The following ADAMTS17 variants were observed in gnomAD, a reference collection of about 807,000 sequenced individuals.
ADAMTS17 encodes A disintegrin and metalloproteinase with thrombospondin motifs 17.
ADAMTS17 carries 113 observed loss-of-function variants against 141.5 expected under a neutral mutation model. The ratio of observed to expected loss-of-function variants is 0.80; its 90% CI spans 0.69 to 0.93. The LOEUF (loss-of-function observed/expected upper bound fraction) is 0.93, where lower values mean the gene tolerates loss of function less well. ADAMTS17 is among the 40% of genes least tolerant of loss of function. The pLI is 0.00. For synonymous variants in ADAMTS17, 768 were observed against 630.6 expected (o/e 1.22, Z -3.27); for missense variants, 1,659 against 1,517.9 (o/e 1.09, Z -1.54).
chr15:100,058,814 G>A lies in ADAMTS17; in HGVS notation c.2138-4760C>T, dbSNP rs183419214. The stretch of plus-strand genomic sequence containing the variant: ...CAGGAAGAGGGCTACTGGAGGCCAC[G>A]GAGGAGTCACTGGGTATGGTCAAGG... On this transcript the variant is annotated intron_variant, in intron 15 of 21. Coordinates refer to ENST00000268070, the MANE Select transcript of ADAMTS17 (RefSeq NM_139057.4). 2.9e-3 allele frequency among the ~76,000 whole-genome samples: 437 copies of A among 152,328 alleles called. 3 individuals carry two copies. Among genetic ancestry groups the A allele is most frequent in the African/African-American group, 6.9e-3 (287 of 41,568 alleles).
intron 18 of ADAMTS17, among the ~76,000 whole-genome samples, chr15:100,017,355 G>C (rs2061311070): frequency 6.6e-6 from 1 of 152,184 alleles, no homozygotes; most frequent in Admixed American, 6.5e-5. Flanking sequence ...CACTGGATTT[G>C]TGCCCTCCCC....
At chr15:100,068,148 C>T (rs1277639480) in intron 15 of ADAMTS17, among the ~76,000 whole-genome samples, 2 of 152,176 alleles carry the variant, frequency 1.3e-5, no homozygotes, top group East Asian at 1.9e-4. Flanking sequence ...CGGAGCCTCG[C>T]TCATTGCTAG....
intron 12 of ADAMTS17, among the ~76,000 whole-genome samples, chr15:100,130,059 C>T (rs1448261381): frequency 6.6e-6 from 1 of 152,126 alleles, no homozygotes; most frequent in East Asian, 1.9e-4. Context: ...CCCACCTATG[C>T]CCTTAATTAA....
At chr15:100,154,622 G>A (rs888127061) in intron 9 of ADAMTS17, among the ~76,000 whole-genome samples, 1 of 152,202 alleles carries the variant, frequency 6.6e-6, no homozygotes, top group African/African-American at 2.4e-5. Flanking sequence ...CACAGGTACA[G>A]ACTGTGACAA....
At chr15:100,051,864 C>T in intron 16 of ADAMTS17, 133 bp from the exon 17 acceptor site, 1 of 1,146,802 alleles carries the variant, frequency 8.7e-7, no homozygotes, top group African/African-American at 1.5e-5. Flanking sequence ...GGGCTGAAAA[C>T]AGGTTCCACT....
At chr15:100,002,333 C>A (rs1375469676) in intron 18 of ADAMTS17, among the ~76,000 whole-genome samples, 2 of 152,050 alleles carry the variant, frequency 1.3e-5, no homozygotes, top group Non-Finnish European at 2.9e-5. Flanking sequence ...GCTTCCAGGG[C>A]CAAGCCTGAG....
At position 100,308,055 on chromosome 15, in the gene ADAMTS17, C is replaced by G. The variant is rs977384866; in HGVS notation, c.616+22834G>C. On this transcript the variant is annotated intron_variant, in intron 3 of 21. Transcript: ENST00000268070. Reference sequence around the variant, plus strand: ...CTCCAGCTTCCTTTAAAACGGTAAGCTCATCTACTTCATTTAAAATTTGAC... The same window carrying G: ...CTCCAGCTTCCTTTAAAACGGTAAGGTCATCTACTTCATTTAAAATTTGAC... Among the ~76,000 whole-genome samples, 12 of 152,294 alleles carry G rather than the reference C, an allele frequency of 7.9e-5. No individual in the cohort carries two copies. In the East Asian group the frequency reaches 2.3e-3, roughly 29 times the overall value.
intron 8 of ADAMTS17, among the ~76,000 whole-genome samples, chr15:100,166,299 C>T (rs2039948885): frequency 6.6e-6 from 1 of 152,238 alleles, no homozygotes; most frequent in African/African-American, 2.4e-5. Context: ...TGAACATCTA[C>T]TGCTTCCAAT....
chr15:100,209,382 T>C (rs2141704639), intron 7 of ADAMTS17, among the ~76,000 whole-genome samples: 1 of 151,968 alleles, frequency 6.6e-6, no homozygotes, highest in Middle Eastern at 3.4e-3. Flanking sequence ...AGCTCCTGAG[T>C]TCAAGTCCAT....
At position 99,974,314 on chromosome 15, in the gene ADAMTS17, T is replaced by A; in HGVS notation, c.*88A>T. ...TAGTTGGATTCTTGTGGCAGCCGGG[T>A]GGGGGCGTGGCCACAAGGCTGGTAG... On this transcript the variant is annotated 3_prime_UTR_variant, in exon 22 of 22. Transcript: ENST00000268070. 1 of 1,558,026 alleles carries A rather than the reference T, an allele frequency of 6.4e-7. No homozygotes were observed. The highest frequency in any genetic ancestry group is 8.8e-7 in the Non-Finnish European group (1 of 1,136,526).
At chr15:100,208,815 G>GGGC (rs1567356488) in intron 7 of ADAMTS17, among the ~76,000 whole-genome samples, 458 of 152,124 alleles carry the variant, frequency 3.0e-3, no homozygotes, top group African/African-American at 0.01. Flanking sequence ...GGACAATTTA[G>GGGC]ATAAGGGTAT....
chr15:100,090,189 G>A (rs764666594), intron 15 of ADAMTS17, among the ~76,000 whole-genome samples: 1 of 152,052 alleles, frequency 6.6e-6, no homozygotes, highest in African/African-American at 2.4e-5. Context: ...TTGGATTCCA[G>A]GCATATGGAA....
At chr15:100,042,875 G>A (rs753951861) in intron 18 of ADAMTS17, among the ~76,000 whole-genome samples, 28 of 152,182 alleles carry the variant, frequency 1.8e-4, no homozygotes, top group Non-Finnish European at 3.2e-4. Flanking sequence ...GGTTGACCAC[G>A]GGTAACTGAA....
At chr15:100,098,156 G>C (rs2035875807) in intron 14 of ADAMTS17, among the ~76,000 whole-genome samples, 1 of 152,144 alleles carries the variant, frequency 6.6e-6, no homozygotes, top group Non-Finnish European at 1.5e-5. Flanking sequence ...ATGGTGGCTG[G>C]GGAGATGTAG....
At chr15:100,282,312 A>G (rs2044312138) in intron 3 of ADAMTS17, among the ~76,000 whole-genome samples, 1 of 152,210 alleles carries the variant, frequency 6.6e-6, no homozygotes, top group Non-Finnish European at 1.5e-5. Context: ...CGGCTTCATA[A>G]AGTGACCCAA....
chr15:100,070,985 C>G (rs1278270131), intron 15 of ADAMTS17, among the ~76,000 whole-genome samples: 1 of 149,866 alleles, frequency 6.7e-6, no homozygotes, highest in Non-Finnish European at 1.5e-5. Context: ...ACAAAATTGA[C>G]AGACCACTAG....
chr15:100,301,584 G>T (rs1336600020), intron 3 of ADAMTS17, among the ~76,000 whole-genome samples: 1 of 150,626 alleles, frequency 6.6e-6, no homozygotes, highest in Admixed American at 6.7e-5. Flanking sequence ...ATCCACCTCA[G>T]CCTCCCAAAG....
At chr15:100,000,765 A>C (rs1032107777) in intron 18 of ADAMTS17, among the ~76,000 whole-genome samples, 26 of 152,176 alleles carry the variant, frequency 1.7e-4, no homozygotes, top group Non-Finnish European at 2.9e-5. Flanking sequence ...CACCTGCCTC[A>C]GCCTCCCAAA....
Position 100,123,610 on chromosome 15 carries a change from C to T in ADAMTS17, c.1722-6597G>A, listed in dbSNP as rs1045426407. ...ACATAAACAGTGATCATAAAACAGC[C>T]GACACGCCCAGAGGGCTCCCATTTT... On this transcript the variant is annotated intron_variant, in intron 12 of 21. Coordinates refer to ENST00000268070, the MANE Select transcript of ADAMTS17 (RefSeq NM_139057.4). Among the ~76,000 whole-genome samples, 7 of 152,348 alleles carry T rather than the reference C, an allele frequency of 4.6e-5. 1 individual carries two copies. The highest frequency in any genetic ancestry group is 3.4e-3 in the Middle Eastern group (1 of 294).
Sources: gnomAD v4.1 joint callset for allele counts (sites outside exome capture counted in the v4.1 genomes callset) on GRCh38, gnomAD v4.1.1 for gene constraint, MANE v1.5 for transcripts, NCBI Gene and HGNC (gene_info 2026-07-23, HGNC 2026-07-21) for gene names.